Variants in MDGA2 observed in about 807,000 individuals in gnomAD.
The protein encoded by MDGA2 is MAM domain-containing glycosylphosphatidylinositol anchor protein 2.
MDGA2 carries 40 observed loss-of-function variants against 117.8 expected under a neutral mutation model. The ratio of observed to expected loss-of-function variants is 0.34; its 90% CI spans 0.26 to 0.44. The LOEUF (loss-of-function observed/expected upper bound fraction) is 0.44, where lower values mean the gene tolerates loss of function less well. Ranked by LOEUF, MDGA2 falls within the 20% of genes least tolerant of loss-of-function variation. The probability of loss-of-function intolerance (pLI) is 1.00; values close to 1 mark genes in which losing one functional copy is unlikely to be tolerated. For missense variants in MDGA2, 1,123 were observed against 1,250.6 expected (o/e 0.90, Z 1.54); for synonymous variants, 452 against 439.0 (o/e 1.03, Z -0.37).
intron 1 of MDGA2, among the ~76,000 whole-genome samples, chr14:47,654,210 C>A (rs527676721): frequency 6.6e-5 from 10 of 152,218 alleles, no homozygotes; most frequent in African/African-American, 1.9e-4. Context: ...GAAAAGTCAG[C>A]TACATGAAAG....
chr14:47,666,545 G>A (rs1046744292), intron 1 of MDGA2, among the ~76,000 whole-genome samples: 13 of 152,248 alleles, frequency 8.5e-5, no homozygotes, highest in African/African-American at 2.9e-4. Context: ...TCTAGCTCAG[G>A]GATTTTAAAC....
rs187984759 is a variant in MDGA2, at chr14:47,310,704, C to A, written c.281-9154G>T. On this transcript the variant is annotated intron_variant, in intron 1 of 16. Coordinates refer to ENST00000399232, the MANE Select transcript of MDGA2 (RefSeq NM_001113498.3). ...ATTTACCAAATCAGTAAATTTTAGA[C>A]CAAAAACCCCATAAATATTCCAGAA... Among the ~76,000 whole-genome samples, 3 of 151,924 alleles carry A rather than the reference C, an allele frequency of 2.0e-5. No homozygotes were observed. In the East Asian group the frequency reaches 5.8e-4, roughly 29 times the overall value.
At chr14:46,866,718 G>C (rs1472047807) in intron 14 of MDGA2, among the ~76,000 whole-genome samples, 1 of 151,070 alleles carries the variant, frequency 6.6e-6, no homozygotes, top group Admixed American at 6.6e-5. Context: ...AACCCCATCA[G>C]AAAGTGGGCG....
chr14:47,044,741 A>G (rs1354256417), intron 7 of MDGA2, among the ~76,000 whole-genome samples: 2 of 152,220 alleles, frequency 1.3e-5, no homozygotes, highest in Admixed American at 6.5e-5. Flanking sequence ...ATTGAACAGG[A>G]AGAAAGCCCA....
At chr14:47,464,230 A>C (rs1893552715) in intron 1 of MDGA2, among the ~76,000 whole-genome samples, 1 of 152,068 alleles carries the variant, frequency 6.6e-6, no homozygotes, top group South Asian at 2.1e-4. Flanking sequence ...TGTGAGATCC[A>C]GGATAAAATA....
At chr14:46,999,707 A>G (rs942119222) in intron 8 of MDGA2, among the ~76,000 whole-genome samples, 1 of 152,066 alleles carries the variant, frequency 6.6e-6, no homozygotes, top group African/African-American at 2.4e-5. Flanking sequence ...GACAGCTTGG[A>G]AACCAAAAAG....
rs556596634 is a variant in MDGA2 at position 46,842,090 on chromosome 14, A to T, written c.2990-71T>A. ...AGCATTCCACGTAGCTACTAACACAACCTTGGTGAATAATAAAACAAGTAT... is the reference window on the plus strand; with the variant it reads ...AGCATTCCACGTAGCTACTAACACATCCTTGGTGAATAATAAAACAAGTAT... On this transcript the variant is annotated intron_variant, in intron 16 of 16. Transcript: ENST00000399232. 6.3e-4 allele frequency: 558 copies of T among 883,066 alleles called. 13 individuals carry two copies. The South Asian group carries it at 8.6e-3, about 14-fold the overall frequency. 54.7% of individuals were successfully genotyped at this position (883,066 alleles called of 1,614,324 possible).
At chr14:47,011,741 C>A (rs569343032) in intron 8 of MDGA2, among the ~76,000 whole-genome samples, 50 of 151,960 alleles carry the variant, frequency 3.3e-4, no homozygotes, top group African/African-American at 1.1e-3. Flanking sequence ...TACTATATAA[C>A]AATTAGGACA....
intron 6 of MDGA2, among the ~76,000 whole-genome samples, chr14:47,082,034 C>T (rs917915551): frequency 6.6e-6 from 1 of 151,886 alleles, no homozygotes; most frequent in Non-Finnish European, 1.5e-5. Flanking sequence ...AAAAATTAAC[C>T]AACTTAAGCT....
intron 1 of MDGA2, among the ~76,000 whole-genome samples, chr14:47,650,228 C>A (rs958597528): frequency 1.3e-5 from 2 of 152,170 alleles, no homozygotes; most frequent in Non-Finnish European, 2.9e-5. Context: ...CTGAAGCATG[C>A]CAGCCTTTAG....
chr14:47,375,020 T>C (rs1191166123), intron 1 of MDGA2, among the ~76,000 whole-genome samples: 1 of 152,026 alleles, frequency 6.6e-6, no homozygotes, highest in Non-Finnish European at 1.5e-5. Context: ...GGGCTTATCT[T>C]AAATTCTGGC....
chr14:47,572,012 A>G (rs1405271868), intron 1 of MDGA2, among the ~76,000 whole-genome samples: 2 of 152,234 alleles, frequency 1.3e-5, no homozygotes, highest in Non-Finnish European at 2.9e-5. Flanking sequence ...ATGCAGTCAG[A>G]ATACAGAATC....
At chr14:47,071,602 C>A (rs1890284732) in intron 6 of MDGA2, among the ~76,000 whole-genome samples, 1 of 151,036 alleles carries the variant, frequency 6.6e-6, no homozygotes. Context: ...GCAAATAAGT[C>A]AAAATGCTGG....
chr14:47,478,909 G>A (rs373132541), intron 1 of MDGA2, among the ~76,000 whole-genome samples: 1 of 152,126 alleles, frequency 6.6e-6, no homozygotes, highest in Non-Finnish European at 1.5e-5. Flanking sequence ...TAGTTTATGA[G>A]GAGCCTCACT....
chr14:47,056,318 CA>C (rs1471479718), intron 7 of MDGA2, among the ~76,000 whole-genome samples: 1 of 152,102 alleles, frequency 6.6e-6, no homozygotes, highest in African/African-American at 2.4e-5. Flanking sequence ...AATACTTGTA[CA>C]GACACTGGTT....
intron 1 of MDGA2, among the ~76,000 whole-genome samples, chr14:47,457,823 TTG>T (rs1893390539): frequency 1.3e-5 from 2 of 151,360 alleles, no homozygotes; most frequent in African/African-American, 4.9e-5. Flanking sequence ...TTTTTTTTTT[TTG>T]TTTGTTTATT....
At chr14:46,853,062 G>C (rs543178402) in intron 15 of MDGA2, among the ~76,000 whole-genome samples, 1 of 151,756 alleles carries the variant, frequency 6.6e-6, no homozygotes, top group South Asian at 2.1e-4. Context: ...GATTTAAAAT[G>C]GTTATTATAA....
intron 1 of MDGA2, among the ~76,000 whole-genome samples, chr14:47,629,981 C>A (rs2138220353): frequency 6.6e-6 from 1 of 151,982 alleles, no homozygotes; most frequent in East Asian, 1.9e-4. Flanking sequence ...GGTCTATGGA[C>A]CACACTCTGA....
intron 9 of MDGA2, among the ~76,000 whole-genome samples, chr14:46,955,905 A>G (rs1199276566): frequency 6.6e-6 from 1 of 152,108 alleles, no homozygotes; most frequent in Non-Finnish European, 1.5e-5. Context: ...GGATCTTTGT[A>G]TACTTCTATT....
Sources: allele counts gnomAD v4.1 joint callset (sites outside exome capture counted in the v4.1 genomes callset), GRCh38; gene constraint gnomAD v4.1.1; transcripts MANE v1.5; gene names NCBI Gene and HGNC (gene_info 2026-07-23, HGNC 2026-07-21).